ANXA4: variants seen among roughly 807,000 people sequenced by gnomAD.
The protein encoded by ANXA4 is annexin A4.
ANXA4 carries 39 observed loss-of-function variants against 49.8 expected under a neutral mutation model. That is an observed-to-expected ratio of 0.78 (90% CI 0.61 to 1.02). The LOEUF is 1.02. Ranked by LOEUF, ANXA4 falls within the 50% of genes least tolerant of loss-of-function variation. ANXA4 has a pLI of 0.00. For synonymous variants in ANXA4, 134 were observed against 152.5 expected (o/e 0.88, Z 0.89); for missense variants, 360 against 410.1 (o/e 0.88, Z 1.05).
chr2:69,691,168 G>A (rs1677952034), intron 2 of ANXA4, among the ~76,000 whole-genome samples: 1 of 150,996 alleles, frequency 6.6e-6, no homozygotes, highest in African/African-American at 2.4e-5. Context: ...TTGTCATCCA[G>A]GCTGGAGTGC....
intron 2 of ANXA4, among the ~76,000 whole-genome samples, chr2:69,688,789 A>G (rs1677872828): frequency 6.6e-6 from 1 of 152,170 alleles, no homozygotes; most frequent in South Asian, 2.1e-4. Flanking sequence ...TTTTAACATG[A>G]TCTGACTTAT....
chr2:69,805,463 G>A (rs918864441), intron 4 of ANXA4, among the ~76,000 whole-genome samples: 2 of 151,914 alleles, frequency 1.3e-5, no homozygotes, highest in Non-Finnish European at 2.9e-5. Flanking sequence ...AAAATTAGCT[G>A]GGCATGGTGG....
intron 2 of ANXA4, among the ~76,000 whole-genome samples, chr2:69,714,525 A>ACAGTGTGCCCAT (rs1678809306): frequency 6.6e-6 from 1 of 152,220 alleles, no homozygotes; most frequent in African/African-American, 2.4e-5. Flanking sequence ...CCTGCTGTCC[A>ACAGTGTGCCCAT]CAGTGTGCCC....
chr2:69,812,822 A>T, intron 8 of ANXA4, 113 bp downstream of exon 8: 3 of 906,550 alleles, frequency 3.3e-6, no homozygotes, highest in Non-Finnish European at 5.1e-6. Flanking sequence ...AGGCTTGGAT[A>T]TGTTCTTTAA....
At chr2:69,733,390 G>A (rs1211475807) in intron 3 of ANXA4, among the ~76,000 whole-genome samples, 1 of 152,138 alleles carries the variant, frequency 6.6e-6, no homozygotes, top group Non-Finnish European at 1.5e-5. Flanking sequence ...GATCACCTGA[G>A]CCCAGGAGTT....
intron 8 of ANXA4, chr2:69,814,743 G>GGTGT (rs754855168): frequency 0.027 from 3,394 of 123,596 alleles, 53 homozygotes; most frequent in Middle Eastern, 0.054. Flanking sequence ...GACACAGAGG[G>GGTGT]GTGTGTGTGT....
At chr2:69,761,544 C>A (rs914740207) in intron 1 of ANXA4, among the ~76,000 whole-genome samples, 2 of 152,176 alleles carry the variant, frequency 1.3e-5, no homozygotes, top group African/African-American at 2.4e-5. Context: ...CTTGTCAATT[C>A]CATCTCTTGT....
intron 2 of ANXA4, among the ~76,000 whole-genome samples, chr2:69,691,989 G>A (rs139057568): frequency 0.14 from 20,721 of 152,116 alleles, 2,053 homozygotes; most frequent in East Asian, 0.37. Context: ...GGGTTCAAAC[G>A]ATTCTCCCGC....
At chr2:69,729,658 G>C (rs1670046394) in intron 3 of ANXA4, among the ~76,000 whole-genome samples, 1 of 152,212 alleles carries the variant, frequency 6.6e-6, no homozygotes, top group Admixed American at 6.5e-5. Flanking sequence ...CCAGGATAAA[G>C]TTAAGAACTT....
At chr2:69,690,643 A>G (rs1008400830) in intron 2 of ANXA4, among the ~76,000 whole-genome samples, 1 of 152,226 alleles carries the variant, frequency 6.6e-6, no homozygotes, top group Non-Finnish European at 1.5e-5. Flanking sequence ...CATTTTTCAA[A>G]TGATTTTCAG....
chr2:69,739,643 C>T (rs1039367856), upstream of ANXA4, among the ~76,000 whole-genome samples: 1 of 151,728 alleles, frequency 6.6e-6, no homozygotes, highest in Non-Finnish European at 1.5e-5. Context: ...AGGCTGATCT[C>T]GAACTCCTGA....
At chr2:69,705,620 T>G (rs1678469304) in intron 2 of ANXA4, among the ~76,000 whole-genome samples, 1 of 152,234 alleles carries the variant, frequency 6.6e-6, no homozygotes, top group Non-Finnish European at 1.5e-5. Context: ...TTATAATGTA[T>G]TCTTACGTGT....
chr2:69,752,563 A>G (rs1462141348), intron 1 of ANXA4, among the ~76,000 whole-genome samples: 1 of 151,714 alleles, frequency 6.6e-6, no homozygotes, highest in Non-Finnish European at 1.5e-5. Context: ...TCTCCTACAC[A>G]CTCCTGACAC....
At chr2:69,671,350 C>T (rs562055467) in intron 2 of ANXA4, among the ~76,000 whole-genome samples, 17 of 152,254 alleles carry the variant, frequency 1.1e-4, no homozygotes, top group African/African-American at 4.1e-4. Flanking sequence ...ATGTAAAGAA[C>T]TCCTGTGAAT....
chr2:69,745,907 AT>A (rs1177127954), intron 1 of ANXA4, among the ~76,000 whole-genome samples: 1 of 152,198 alleles, frequency 6.6e-6, no homozygotes, highest in African/African-American at 2.4e-5. Flanking sequence ...ATAAAAACAT[AT>A]CACCTTCCCA....
chr2:69,791,026 A>G (rs1365831947), intron 3 of ANXA4, among the ~76,000 whole-genome samples: 2 of 152,198 alleles, frequency 1.3e-5, no homozygotes, highest in African/African-American at 4.8e-5. Context: ...ATCCTTACAT[A>G]AGCCTCTTAG....
intron 1 of ANXA4, among the ~76,000 whole-genome samples, chr2:69,755,081 C>G (rs1231897121): frequency 6.6e-6 from 1 of 152,152 alleles, no homozygotes; most frequent in Non-Finnish European, 1.5e-5. Context: ...GTGAAATAAT[C>G]CAGACACAGA....
chr2:69,705,914 A>T (rs1400933831), intron 2 of ANXA4, among the ~76,000 whole-genome samples: 1 of 152,232 alleles, frequency 6.6e-6, no homozygotes, highest in Non-Finnish European at 1.5e-5. Flanking sequence ...CCTAGGTAAC[A>T]GAGCAAGACT....
chr2:69,748,710 C>A (rs1184555767), intron 1 of ANXA4, among the ~76,000 whole-genome samples: 1 of 132,604 alleles, frequency 7.5e-6, no homozygotes. Flanking sequence ...TACCCTACTT[C>A]TTTTTTTTTT....
Sources: allele counts gnomAD v4.1 joint callset (sites outside exome capture counted in the v4.1 genomes callset), GRCh38; gene constraint gnomAD v4.1.1; transcripts MANE v1.5; gene names NCBI Gene and HGNC (gene_info 2026-07-23, HGNC 2026-07-21).